Variants in NRDC observed in about 807,000 individuals in gnomAD.
The protein encoded by NRDC is nardilysin.
A neutral mutation model predicts 147.1 loss-of-function variants in NRDC; 54 were observed. The observed-to-expected ratio is 0.37, with a 90% CI of 0.29 to 0.46. The LOEUF is 0.46. Among genes scored for constraint, NRDC ranks in the 20% least tolerant of loss-of-function variants. NRDC has a pLI of 1.00. For missense variants in NRDC, 1,082 were observed against 1,370.6 expected (o/e 0.79, Z 3.33); for synonymous variants, 440 against 482.1 (o/e 0.91, Z 1.14).
chr1:51,842,844 T>C (rs1681337633), intron 1 of NRDC, among the ~76,000 whole-genome samples: 1 of 151,922 alleles, frequency 6.6e-6, no homozygotes. Flanking sequence ...GGCAGGTAGA[T>C]TGCTGGAGTC....
intron 27 of NRDC, 39 bp from the exon 28 acceptor site, chr1:51,791,029 A>G (rs1436902471): frequency 7.1e-7 from 1 of 1,409,642 alleles, no homozygotes; most frequent in Non-Finnish European, 1.0e-6. Flanking sequence ...AAAACAAAAC[A>G]TCTTCAATTA....
In NRDC at chr1:51,825,278, G is replaced by A. The variant is rs746107969; in HGVS notation, c.1036+9C>T. ...AATATGAAATAAGATGATGTATTTA[G>A]TATCTTACCCCAAAAAAATTTTCCC... On this transcript the variant is annotated intron_variant, in intron 6 of 30. Coordinates refer to ENST00000352171, the MANE Select transcript of NRDC (RefSeq NM_001101662.2). The A allele has an allele frequency of 2.0e-6, 3 of 1,490,078 alleles. No homozygotes were observed. The highest frequency in any genetic ancestry group is 2.3e-5 in the South Asian group (2 of 85,528). The allele number at this position is 1,490,078 out of a possible 1,614,324, so 92.3% of individuals were successfully genotyped here. A position where few individuals can be genotyped will look rare whatever the true frequency, so the allele number is the denominator to read the frequency against.
intron 1 of NRDC, among the ~76,000 whole-genome samples, chr1:51,842,674 A>C (rs1328257977): frequency 6.6e-6 from 1 of 152,264 alleles, no homozygotes; most frequent in African/African-American, 2.4e-5. Flanking sequence ...TATGAGTACC[A>C]TTCACATAAT....
intron 4 of NRDC, among the ~76,000 whole-genome samples, chr1:51,831,688 C>T (rs952612329): frequency 5.9e-5 from 9 of 151,298 alleles, no homozygotes; most frequent in Admixed American, 4.0e-4. Context: ...AAGCAATTCT[C>T]GTGCCTCAGC....
At chr1:51,862,427 GA>G (rs968226159) in intron 1 of NRDC, 73 of 139,712 alleles carry the variant, frequency 5.2e-4, no homozygotes, top group African/African-American at 1.0e-3. Context: ...CTCTAAAAAA[GA>G]AAAAAAAAAA....
intron 1 of NRDC, among the ~76,000 whole-genome samples, chr1:51,875,595 G>A (rs1261346544): frequency 1.3e-5 from 2 of 152,060 alleles, no homozygotes; most frequent in African/African-American, 4.8e-5. Context: ...GTGTCTCACT[G>A]CCACCCAGGC....
In NRDC at chr1:51,836,195, A is replaced by G; in HGVS notation, c.648T>C (p.Cys216=). 6.2e-7 allele frequency: 1 copy of G among 1,614,180 alleles called. No homozygotes were observed. Among genetic ancestry groups the G allele is most frequent in the Non-Finnish European group, 8.5e-7 (1 of 1,180,018 alleles). ...TTEKQSAAAL[C]VGVGSFADPD... ...GATCAGCGAAACTCCCAACTCCAAC[A>G]CAAAGAGCCGCTGCAGACTGGAGTA... Residue 216 remains cysteine (C), a synonymous_variant, in exon 3 of 31, where the codon TGT becomes TGC. Coordinates refer to ENST00000352171, the MANE Select transcript of NRDC (RefSeq NM_001101662.2).
At chr1:51,790,379 C>T (rs1263475030) in intron 29 of NRDC, among the ~76,000 whole-genome samples, 154 bp downstream of exon 29, 1 of 152,158 alleles carries the variant, frequency 6.6e-6, no homozygotes. Context: ...CTAGAGAGGC[C>T]AGTCTGAAAA....
At chr1:51,874,235 T>C (rs1305888437) in intron 1 of NRDC, among the ~76,000 whole-genome samples, 2 of 151,862 alleles carry the variant, frequency 1.3e-5, no homozygotes, top group African/African-American at 2.4e-5. Flanking sequence ...AGGTTAAACA[T>C]GGAAAGTGCT....
intron 1 of NRDC, among the ~76,000 whole-genome samples, chr1:51,866,469 A>C (rs1449435520): frequency 6.6e-6 from 1 of 152,234 alleles, no homozygotes; most frequent in African/African-American, 2.4e-5. Context: ...GGAACCATAT[A>C]CAGTCCTCTG....
intron 9 of NRDC, among the ~76,000 whole-genome samples, chr1:51,819,331 C>T (rs970198613): frequency 2.0e-5 from 3 of 151,660 alleles, no homozygotes; most frequent in Non-Finnish European, 2.9e-5. Flanking sequence ...ATACAAATGA[C>T]TTCTCTTCAT....
chr1:51,855,496 A>C (rs1571910042), intron 1 of NRDC, among the ~76,000 whole-genome samples: 2 of 152,176 alleles, frequency 1.3e-5, no homozygotes, highest in East Asian at 3.8e-4. Flanking sequence ...ATAAAGAAAA[A>C]AAAAATGAAA....
chr1:51,853,116 C>T (rs1682059775), intron 1 of NRDC, among the ~76,000 whole-genome samples: 2 of 151,702 alleles, frequency 1.3e-5, no homozygotes, highest in African/African-American at 2.4e-5. Context: ...CTCAGCTACT[C>T]GGAAGGCTGA....
intron 29 of NRDC, 36 bp from the exon 30 acceptor site, chr1:51,789,693 G>A (rs776025985): frequency 1.4e-6 from 2 of 1,450,548 alleles, no homozygotes; most frequent in South Asian, 2.3e-5. Flanking sequence ...AGAAATTCAA[G>A]AAGAAAGATA....
chr1:51,830,951 A>G (rs544599360), intron 4 of NRDC, among the ~76,000 whole-genome samples: 1 of 152,374 alleles, frequency 6.6e-6, no homozygotes, highest in South Asian at 2.1e-4. Context: ...TTACACACGT[A>G]TAAAGGCTTT....
chr1:51,810,152 T>C, intron 16 of NRDC, 129 bp downstream of exon 16: 1 of 599,710 alleles, frequency 1.7e-6, no homozygotes, highest in East Asian at 3.6e-5. Flanking sequence ...TAAGTAATTT[T>C]CATTTCAAAG....
chr1:51,800,014 A>T (rs1474337215), intron 21 of NRDC, among the ~76,000 whole-genome samples: 2 of 152,184 alleles, frequency 1.3e-5, no homozygotes, highest in Non-Finnish European at 2.9e-5. Flanking sequence ...TATCTCTGTC[A>T]TGCAGGTTGG....
intron 1 of NRDC, among the ~76,000 whole-genome samples, chr1:51,871,895 C>T (rs1364101469): frequency 6.6e-6 from 1 of 152,032 alleles, no homozygotes; most frequent in Non-Finnish European, 1.5e-5. Flanking sequence ...CTTTTTGAGA[C>T]AGTCTGGTTC....
chr1:51,794,723 T>C lies in NRDC; in HGVS notation c.2636+100A>G, dbSNP rs1342865135. On this transcript the variant is annotated intron_variant, in intron 23 of 30. Transcript: ENST00000352171. Reference sequence around the variant, plus strand: ...CCTCAAAAAAATCTACTACAAGTAGTATTTCAATTGGGTGTTTAGTAACAA... The same window carrying C: ...CCTCAAAAAAATCTACTACAAGTAGCATTTCAATTGGGTGTTTAGTAACAA... 1.2e-5 allele frequency: 19 copies of C among 1,582,998 alleles called. No homozygotes were observed. The East Asian group carries it at 4.3e-4, about 35-fold the overall frequency.
Sources: gnomAD v4.1 joint callset for allele counts (sites outside exome capture counted in the v4.1 genomes callset) on GRCh38, gnomAD v4.1.1 for gene constraint, MANE v1.5 for transcripts, NCBI Gene and HGNC (gene_info 2026-07-23, HGNC 2026-07-21) for gene names.